The following PSMD1 variants were observed in gnomAD, a reference collection of about 807,000 sequenced individuals.
PSMD1 encodes proteasome 26S subunit, non-ATPase 1.
In PSMD1, 18 loss-of-function variants were observed where a neutral mutation model predicts 119.0. The ratio of observed to expected loss-of-function variants is 0.15; its 90% confidence interval spans 0.10 to 0.22. The LOEUF (loss-of-function observed/expected upper bound fraction) is 0.22. Ranked by LOEUF, PSMD1 falls within the 10% of genes least tolerant of loss-of-function variation. PSMD1 has a pLI of 1.00. For synonymous variants in PSMD1, 374 were observed against 396.6 expected, an observed-to-expected ratio of 0.94 and a Z score of 0.68; for missense variants, 702 against 1,158.5, an observed-to-expected ratio of 0.61 and a Z score of 5.72.
intron 16 of PSMD1, among the ~76,000 whole-genome samples, chr2:231,131,945 A>G (rs552479940): frequency 6.6e-6 from 1 of 152,196 alleles, no homozygotes; most frequent in African/African-American, 2.4e-5. Flanking sequence ...TTTCTAAAGA[A>G]TGTGTCAGAG....
intron 10 of PSMD1, among the ~76,000 whole-genome samples, chr2:231,079,166 C>T (rs1002952671): frequency 6.6e-6 from 1 of 152,012 alleles, no homozygotes; most frequent in African/African-American, 2.4e-5. Flanking sequence ...GTTAACCAGT[C>T]CTTAATTCTA....
chr2:231,060,827 A>G (rs1693738253), intron 1 of PSMD1, among the ~76,000 whole-genome samples: 1 of 152,230 alleles, frequency 6.6e-6, no homozygotes, highest in South Asian at 2.1e-4. Context: ...TGTATGAATA[A>G]TTTTATTCTA....
intron 16 of PSMD1, among the ~76,000 whole-genome samples, chr2:231,101,281 C>A (rs921470237): frequency 1.3e-5 from 2 of 152,122 alleles, no homozygotes; most frequent in Non-Finnish European, 2.9e-5. Flanking sequence ...TGTTATCTAA[C>A]CCTTGCTCTT....
intron 18 of PSMD1, among the ~76,000 whole-genome samples, chr2:231,153,202 G>C (rs753374797): frequency 6.6e-6 from 1 of 152,220 alleles, no homozygotes; most frequent in Admixed American, 6.5e-5. Context: ...CGCAAGGTTG[G>C]TGGTAAACAG....
chr2:231,150,486 A>G (rs527898687), intron 18 of PSMD1, among the ~76,000 whole-genome samples: 1 of 152,180 alleles, frequency 6.6e-6, no homozygotes, highest in East Asian at 1.9e-4. Context: ...ATCTACCATT[A>G]CAGAATCCAG....
At chr2:231,127,846 C>T (rs1695762720) in intron 16 of PSMD1, among the ~76,000 whole-genome samples, 2 of 152,252 alleles carry the variant, frequency 1.3e-5, no homozygotes, top group South Asian at 4.1e-4. Context: ...TATCTGGAAG[C>T]TTCATTTGTG....
intron 9 of PSMD1, 87 bp from the exon 10 acceptor site, chr2:231,078,572 A>C: frequency 1.1e-6 from 1 of 890,732 alleles, no homozygotes; most frequent in Non-Finnish European, 1.6e-6. Flanking sequence ...CTTTTACCAC[A>C]AAATAGGACC....
intron 16 of PSMD1, among the ~76,000 whole-genome samples, chr2:231,126,082 G>A (rs1304132520): frequency 6.6e-6 from 1 of 152,134 alleles, no homozygotes; most frequent in African/African-American, 2.4e-5. Context: ...GTTTTTTAAT[G>A]TACCAGAATT....
chr2:231,159,242 A>G (rs954824167), intron 19 of PSMD1, among the ~76,000 whole-genome samples: 2 of 152,222 alleles, frequency 1.3e-5, no homozygotes, highest in African/African-American at 2.4e-5. Flanking sequence ...TTGCATTTCA[A>G]AGTTCTGTGA....
chr2:231,155,793 G>A (rs1405445176), intron 19 of PSMD1, among the ~76,000 whole-genome samples: 1 of 151,726 alleles, frequency 6.6e-6, no homozygotes, highest in East Asian at 1.9e-4. Context: ...TTGAGGCATA[G>A]TTTACTTTTC....
intron 17 of PSMD1, among the ~76,000 whole-genome samples, chr2:231,139,579 G>A (rs202122380): frequency 5.3e-4 from 53 of 100,770 alleles, no homozygotes; most frequent in African/African-American, 7.5e-4. Flanking sequence ...AAAAAAAGAA[G>A]AAGAAGAAGA....
intron 16 of PSMD1, among the ~76,000 whole-genome samples, chr2:231,130,655 G>T (rs1014540009): frequency 6.6e-6 from 1 of 151,990 alleles, no homozygotes; most frequent in East Asian, 1.9e-4. Flanking sequence ...ATGGGGTTTC[G>T]CGGGAATGCC....
intron 16 of PSMD1, among the ~76,000 whole-genome samples, chr2:231,096,734 A>G (rs552708994): frequency 6.6e-6 from 1 of 152,228 alleles, no homozygotes; most frequent in African/African-American, 2.4e-5. Context: ...AAGCGTTCTT[A>G]TCCCTGATGC....
chr2:231,150,383 G>A (rs950344031), intron 18 of PSMD1, among the ~76,000 whole-genome samples: 25 of 151,348 alleles, frequency 1.7e-4, no homozygotes, highest in Non-Finnish European at 2.9e-4. Flanking sequence ...TGTCTATATA[G>A]ATATATACAG....
chr2:231,106,885 T>G (rs1389573655), intron 16 of PSMD1, among the ~76,000 whole-genome samples: 1 of 152,122 alleles, frequency 6.6e-6, no homozygotes, highest in African/African-American at 2.4e-5. Flanking sequence ...AATACAGAAT[T>G]TGGAATACTG....
intron 18 of PSMD1, among the ~76,000 whole-genome samples, chr2:231,148,457 T>C (rs1272462663): frequency 6.6e-6 from 1 of 152,218 alleles, no homozygotes; most frequent in African/African-American, 2.4e-5. Context: ...TGGATAATCA[T>C]TCCAGGAACT....
chr2:231,107,372 G>A (rs1695002169), intron 16 of PSMD1, among the ~76,000 whole-genome samples: 1 of 152,172 alleles, frequency 6.6e-6, no homozygotes, highest in South Asian at 2.1e-4. Context: ...ACAAATATGG[G>A]TGAACCTGAA....
At chr2:231,105,111 A>G (rs1343721752) in intron 16 of PSMD1, among the ~76,000 whole-genome samples, 1 of 152,122 alleles carries the variant, frequency 6.6e-6, no homozygotes, top group Admixed American at 6.5e-5. Context: ...TCTTATGTAT[A>G]TTATCTCCTT....
chr2:231,126,600 G>A (rs925324353), intron 16 of PSMD1, among the ~76,000 whole-genome samples: 1 of 152,024 alleles, frequency 6.6e-6, no homozygotes, highest in East Asian at 1.9e-4. Context: ...GAAAAGACTT[G>A]TATGAAATAA....
Sources: gnomAD v4.1 joint callset for allele counts (sites outside exome capture counted in the v4.1 genomes callset) on GRCh38, gnomAD v4.1.1 for gene constraint, MANE v1.5 for transcripts, NCBI Gene and HGNC (gene_info 2026-07-23, HGNC 2026-07-21) for gene names.